Variants in DPH1 observed in about 807,000 individuals in gnomAD.
The protein encoded by DPH1 is 2-(3-amino-3-carboxypropyl)histidine synthase subunit 1.
Under a neutral mutation model 55.3 loss-of-function variants are expected in DPH1, and 59 were observed. The observed-to-expected ratio is 1.07, with a 90% CI of 0.87 to 1.33. The LOEUF is 1.33. Among genes scored for constraint, DPH1 ranks in the 40% most tolerant of loss-of-function variants. The pLI is 0.00. For synonymous variants in DPH1, 238 were observed against 235.5 expected, an observed-to-expected ratio of 1.01 and a Z score of -0.10; for missense variants, 628 against 584.8, an observed-to-expected ratio of 1.07 and a Z score of -0.76.
intron 12 of DPH1, 52 bp downstream of exon 12, chr17:2,041,927 C>T (rs558776676): frequency 3.3e-6 from 5 of 1,534,524 alleles, no homozygotes; most frequent in African/African-American, 2.8e-5. Flanking sequence ...GTCATGGGAA[C>T]GCCTTGGCGC....
In DPH1 at chr17:2,040,279, G is replaced by T. The variant is rs755943395; in HGVS notation, c.811G>T (p.Ala271Ser). The T allele has an allele frequency of 8.1e-6, 13 of 1,614,036 alleles. No individual in the cohort carries two copies. The South Asian group carries it at 1.4e-4, about 18-fold the overall frequency. The change falls in exon 8 of 13, where the codon GCT becomes TCT. Residue 271 changes from alanine to serine, a missense_variant. Transcript: ENST00000263083. ...CTATGACCACCAGCGCATGCAGGCT[G>T]CTCGCCAAGAAGCCATAGCCACTGC... is the stretch of plus-strand genomic sequence containing the variant. ...EHYDHQRMQA[A>S]RQEAIATARS...
rs779332793 is a variant in DPH1, at chr17:2,043,018, C to T, written c.*432C>T. On this transcript the variant is annotated 3_prime_UTR_variant, in exon 13 of 13. Transcript: ENST00000263083. Reference sequence around the variant, plus strand: ...CAGCCAATTTCCCGGAGCCATCACCCTCACCCACTCTGGTGGCCACTTCAT... The same window carrying T: ...CAGCCAATTTCCCGGAGCCATCACCTTCACCCACTCTGGTGGCCACTTCAT... The T allele has an allele frequency of 1.4e-5, 23 of 1,613,972 alleles. No homozygotes were observed. The highest frequency in any genetic ancestry group is 1.8e-5 in the Non-Finnish European group (21 of 1,180,044).
In DPH1 at chr17:2,042,430, C is replaced by T. The variant is rs1481437805; in HGVS notation, c.*19-175C>T. On this transcript the variant is annotated intron_variant, in intron 12 of 12. Transcript: ENST00000263083. ...AGGCTTCCGCCTTCACCGTCTTCCT[C>T]CGCTGTCTCCTGTTCAGGCCAATCC... 5.6e-6 allele frequency: 7 copies of T among 1,256,238 alleles called. No homozygotes were observed. In the Admixed American group the frequency reaches 2.1e-4, roughly 38 times the overall value. The allele number at this position is 1,256,238 out of a possible 1,614,324, so 77.8% of individuals were successfully genotyped here.
intron 6 of DPH1, among the ~76,000 whole-genome samples, chr17:2,038,660 C>T (rs1278853283): frequency 6.6e-6 from 1 of 152,208 alleles, no homozygotes; most frequent in Non-Finnish European, 1.5e-5. Flanking sequence ...TGAGGTGAGA[C>T]AGTTTCATCC....
Position 2,036,618 on chromosome 17 carries a change from C to T in DPH1, c.490C>T (p.Arg164Cys), listed in dbSNP as rs776074424. The T allele has an allele frequency of 1.9e-5, 31 of 1,614,032 alleles. No individual in the cohort carries two copies. The highest frequency in any genetic ancestry group is 2.3e-5 in the Non-Finnish European group (27 of 1,180,024). The change falls in exon 5 of 13, where the codon CGC becomes TGC. Residue 164 changes from arginine (R) to cysteine (C), a missense_variant. Arg to Cys is a radical substitution (Grantham distance 180). Transcript: ENST00000263083. The surrounding 1 kb of genome is among the most constrained non-coding windows in gnomAD (Gnocchi z 4.8). ...IDTTHLLDSL[R>C]LTFPPATALA... Reference sequence around the variant, plus strand: ...CACTACACACCTCCTGGACTCTCTCCGCCTCACCTTTCCCCCAGCCACTGC... The same window carrying T: ...CACTACACACCTCCTGGACTCTCTCTGCCTCACCTTTCCCCCAGCCACTGC...
At chr17:2,033,417 C>T (rs547431449) in intron 1 of DPH1, 88 bp from the exon 2 acceptor site, 87 of 1,595,834 alleles carry the variant, frequency 5.5e-5, no homozygotes, top group East Asian at 3.4e-4. Context: ...GCGGGGGCAC[C>T]GGCAGGCCCT....
Position 2,030,356 on chromosome 17 carries a change from C to A in DPH1, c.61+126C>A. On this transcript the variant is annotated intron_variant, in intron 1 of 12. Coordinates refer to ENST00000263083, the MANE Select transcript of DPH1 (RefSeq NM_001383.6). ...TCCGCTAGATCCCGCTGTTAGTCGC[C>A]TTGGGCCGCTGTCACCAGCTCGGGG... 3 of 1,184,022 alleles carry A rather than the reference C, an allele frequency of 2.5e-6. No individual in the cohort carries two copies. In the East Asian group the frequency reaches 8.1e-5, roughly 32 times the overall value. The allele number at this position is 1,184,022 out of a possible 1,614,324, so 73.3% of individuals were successfully genotyped here. A position where few individuals can be genotyped will look rare whatever the true frequency, so the allele number is the denominator to read the frequency against.
In DPH1 at chr17:2,043,455, G is replaced by A. The variant is rs777549685; in HGVS notation, c.*869G>A. ...GAGCATCTTTTTCCTGGTACACACAGAAAAACATTTTATAATGGAAGTCGG... is the reference window on the plus strand; with the variant it reads ...GAGCATCTTTTTCCTGGTACACACAAAAAAACATTTTATAATGGAAGTCGG... On this transcript the variant is annotated 3_prime_UTR_variant, in exon 13 of 13. Coordinates refer to ENST00000263083, the MANE Select transcript of DPH1 (RefSeq NM_001383.6). 8.6e-6 allele frequency: 2 copies of A among 232,428 alleles called. No individual in the cohort carries two copies. The highest frequency in any genetic ancestry group is 1.7e-5 in the Non-Finnish European group (2 of 118,936). 14.4% of individuals were successfully genotyped at this position (232,428 alleles called of 1,614,324 possible).
chr17:2,039,893 T>C (rs1031726331), intron 7 of DPH1, 70 bp downstream of exon 7: 28 of 1,602,564 alleles, frequency 1.7e-5, no homozygotes, highest in Non-Finnish European at 2.4e-5. Flanking sequence ...AGGTCCTCAA[T>C]TGGTTGCATC....
intron 1 of DPH1, 53 bp from the exon 2 acceptor site, chr17:2,033,452 A>G (rs777878153): frequency 8.7e-6 from 14 of 1,612,090 alleles, no homozygotes; most frequent in African/African-American, 1.3e-5. Flanking sequence ...ATTCCATCTC[A>G]ATCTGGCTTC....
rs551634734 is a variant in DPH1 at position 2,041,861 on chromosome 17, G to C, written c.*4G>C. On this transcript the variant is annotated 3_prime_UTR_variant, in exon 12 of 13. Transcript: ENST00000263083. Reference sequence around the variant, plus strand: ...GGTGGCGCCGCTGGCTCCTTGACGCGCTCCCGGGCCTCAGGTATCAGCCCC... The same window carrying C: ...GGTGGCGCCGCTGGCTCCTTGACGCCCTCCCGGGCCTCAGGTATCAGCCCC... 1 of 1,588,662 alleles carries C rather than the reference G, an allele frequency of 6.3e-7. No individual in the cohort carries two copies. Among genetic ancestry groups the C allele is most frequent in the South Asian group, 1.1e-5 (1 of 88,108 alleles).
rs763295600 is a variant in DPH1, at chr17:2,041,525, G to C, written c.1131G>C (p.Pro377=). The change falls in exon 11 of 13, where the codon CCG becomes CCC. Residue 377 remains proline (P), a synonymous_variant. Coordinates refer to ENST00000263083, the MANE Select transcript of DPH1 (RefSeq NM_001383.6). ...ACATTTCCTGGCAGCAGCCCTACCC[G>C]ATGGACTTCTACGCTGGCAGCTCCT... ...LRDISWQQPY[P]MDFYAGSSLG... The C allele has an allele frequency of 5.6e-6, 9 of 1,612,854 alleles. No individual in the cohort carries two copies. The East Asian group carries it at 2.0e-4, about 36-fold the overall frequency.
intron 6 of DPH1, among the ~76,000 whole-genome samples, chr17:2,037,864 G>A (rs912226497): frequency 6.6e-6 from 1 of 152,124 alleles, no homozygotes; most frequent in Non-Finnish European, 1.5e-5. Flanking sequence ...AATACTAGGC[G>A]AGTTTCTTAA....
chr17:2,039,523 G>A (rs1359857621), intron 6 of DPH1: 10 of 460,070 alleles, frequency 2.2e-5, no homozygotes, highest in Middle Eastern at 6.2e-4. Flanking sequence ...GACTACAGGC[G>A]CCCGTCACCA....
rs771202011 is a variant in DPH1 at position 2,035,954 on chromosome 17, GC to G, written c.279-12del. ...CTGTGTCCCTGTCCCACCGTTCCCCGCCCCTGTGCCCGCAGGTTCACGGAGG... is the reference window on the plus strand; with the variant it reads ...CTGTGTCCCTGTCCCACCGTTCCCCGCCCTGTGCCCGCAGGTTCACGGAGG... On this transcript the variant is annotated splice_polypyrimidine_tract_variant and intron_variant, in intron 3 of 12. Transcript: ENST00000263083. 2 of 1,613,582 alleles carry G rather than the reference GC, an allele frequency of 1.2e-6. No homozygotes were observed. Among genetic ancestry groups the G allele is most frequent in the Non-Finnish European group, 1.7e-6 (2 of 1,179,812 alleles).
intron 1 of DPH1, 138 bp downstream of exon 1, chr17:2,030,368 T>C: frequency 9.2e-7 from 1 of 1,083,746 alleles, no homozygotes; most frequent in Non-Finnish European, 1.3e-6. Context: ...TGGGCCGCTG[T>C]CACCAGCTCG....
chr17:2,039,892 A>G lies in DPH1; in HGVS notation c.749+69A>G, dbSNP rs1597285571. 8.1e-6 allele frequency: 13 copies of G among 1,602,624 alleles called. No homozygotes were observed. In the East Asian group the frequency reaches 2.2e-4, roughly 28 times the overall value. On this transcript the variant is annotated intron_variant, in intron 7 of 12. Coordinates refer to ENST00000263083, the MANE Select transcript of DPH1 (RefSeq NM_001383.6). ...AGATTCCCTGCCACTGAGGTCCTCA[A>G]TTGGTTGCATCCCCATTTCCTGGCC... is the stretch of plus-strand genomic sequence containing the variant.
At position 2,035,966 on chromosome 17, in the gene DPH1, G is replaced by T; in HGVS notation, c.279-4G>T. ...CCCACCGTTCCCCGCCCCTGTGCCC[G>T]CAGGTTCACGGAGGCCGAAGTGATG... On this transcript the variant is annotated splice_polypyrimidine_tract_variant and splice_region_variant and intron_variant, in intron 3 of 12. Coordinates refer to ENST00000263083, the MANE Select transcript of DPH1 (RefSeq NM_001383.6). 1.2e-6 allele frequency: 2 copies of T among 1,613,742 alleles called. No individual in the cohort carries two copies. The highest frequency in any genetic ancestry group is 2.2e-5 in the South Asian group (2 of 91,074).
chr17:2,038,653 G>A (rs747315825), intron 6 of DPH1, among the ~76,000 whole-genome samples: 1 of 152,234 alleles, frequency 6.6e-6, no homozygotes, highest in South Asian at 2.1e-4. Context: ...GATGATCTGA[G>A]GTGAGACAGT....
Sources: gnomAD v4.1 joint callset for allele counts (sites outside exome capture counted in the v4.1 genomes callset) on GRCh38, gnomAD v4.1.1 for gene constraint, Gnocchi (gnomAD v3.1) non-coding constraint, MANE v1.5 for transcripts, NCBI Gene and HGNC (gene_info 2026-07-23, HGNC 2026-07-21) for gene names.